The following ERAP1 variants were observed in gnomAD, a reference collection of about 807,000 sequenced individuals.
ERAP1 encodes endoplasmic reticulum aminopeptidase 1.
In ERAP1, 86 loss-of-function variants were observed where a neutral mutation model predicts 103.7. The ratio of observed to expected loss-of-function variants is 0.83; its 90% confidence interval spans 0.70 to 0.99. The LOEUF is 0.99. Ranked by LOEUF, ERAP1 falls within the 50% of genes least tolerant of loss-of-function variation. ERAP1 has a pLI of 0.00. For synonymous variants in ERAP1, 398 were observed against 402.4 expected, an observed-to-expected ratio of 0.99 and a Z score of 0.13; for missense variants, 1,009 against 1,128.4, an observed-to-expected ratio of 0.89 and a Z score of 1.52.
the ERAP1 span, among the ~76,000 whole-genome samples, chr5:96,815,420 T>TG: frequency 0.016 from 2,349 of 144,182 alleles, 77 homozygotes; most frequent in African/African-American, 0.061. Flanking sequence ...TTTTATTTTT[T>TG]TTTTTTTTGA....
chr5:96,841,688 T>G, the ERAP1 span, among the ~76,000 whole-genome samples: 2 of 151,770 alleles, frequency 1.3e-5, no homozygotes, highest in Non-Finnish European at 2.9e-5. Context: ...GCCAAGGAAG[T>G]TAGAGTAGTA....
chr5:96,870,783 A>G, the ERAP1 span, among the ~76,000 whole-genome samples: 1 of 152,190 alleles, frequency 6.6e-6, no homozygotes, highest in African/African-American at 2.4e-5. Context: ...CCTGCTTTTA[A>G]GATTTGTTAG....
intron 7 of ERAP1, among the ~76,000 whole-genome samples, chr5:96,792,509 A>T (rs927651294): frequency 1.3e-5 from 2 of 152,244 alleles, no homozygotes; most frequent in Non-Finnish European, 2.9e-5. Context: ...TTAACTGTAT[A>T]GTAATTTCAA....
chr5:96,850,667 T>C, the ERAP1 span, among the ~76,000 whole-genome samples: 1 of 152,174 alleles, frequency 6.6e-6, no homozygotes, highest in Non-Finnish European at 1.5e-5. Context: ...GTGATGGATA[T>C]GTTAATTAGC....
the ERAP1 span, among the ~76,000 whole-genome samples, chr5:96,815,486 A>C: frequency 2.1e-5 from 3 of 142,904 alleles, no homozygotes; most frequent in Non-Finnish European, 3.0e-5. Context: ...ATCTCGGCTC[A>C]CAGCAACCTC....
At chr5:96,830,923 T>A in the ERAP1 span, among the ~76,000 whole-genome samples, 6 of 152,160 alleles carry the variant, frequency 3.9e-5, no homozygotes, top group Non-Finnish European at 8.8e-5. Flanking sequence ...CCAAGTATAC[T>A]CAAATCCTGC....
chr5:96,901,548 A>T, the ERAP1 span: 6 of 1,613,838 alleles, frequency 3.7e-6, no homozygotes, highest in South Asian at 2.2e-5. Flanking sequence ...AGAGATGATG[A>T]CTACATGGAC....
At chr5:96,774,445 A>AGTCT (rs1440294594), downstream of ERAP1, 106 of 918,228 alleles carry the variant, frequency 1.2e-4, no homozygotes, top group Non-Finnish European at 1.4e-4. Flanking sequence ...CCCTTTTTAC[A>AGTCT]GTCTAGTTAG....
the ERAP1 span, among the ~76,000 whole-genome samples, chr5:96,854,461 A>T: frequency 3.0e-4 from 46 of 152,244 alleles, no homozygotes; most frequent in African/African-American, 1.0e-3. Flanking sequence ...CAACAAAAAA[A>T]AAACCTCTGA....
At chr5:96,854,865 G>A in the ERAP1 span, among the ~76,000 whole-genome samples, 1 of 152,076 alleles carries the variant, frequency 6.6e-6, no homozygotes, top group Non-Finnish European at 1.5e-5. Flanking sequence ...CTATCCAAGG[G>A]TAGCCTTTTT....
the ERAP1 span, chr5:96,892,513 G>C: frequency 1.3e-6 from 2 of 1,581,720 alleles, no homozygotes; most frequent in Admixed American, 3.4e-5. Context: ...TATAGAACAC[G>C]ACCAATCTTC....
At chr5:96,821,310 C>T in the ERAP1 span, among the ~76,000 whole-genome samples, 1 of 152,216 alleles carries the variant, frequency 6.6e-6, no homozygotes, top group East Asian at 1.9e-4. Context: ...CATGTGGGTG[C>T]CATAGCTTAG....
chr5:96,776,293 A>G lies in ERAP1; in HGVS notation c.*103T>C. 6.5e-7 allele frequency: 1 copy of G among 1,541,012 alleles called. No individual in the cohort carries two copies. Among genetic ancestry groups the G allele is most frequent in the Non-Finnish European group, 8.7e-7 (1 of 1,148,846 alleles). ...GTCAAAAAATGAGTTGAAGGGAAAA[A>G]AGTATCTCCAGTTGGAGCCAAAACA... On this transcript the variant is annotated 3_prime_UTR_variant, in exon 19 of 19. Coordinates refer to ENST00000443439, the MANE Select transcript of ERAP1 (RefSeq NM_001040458.3).
downstream of ERAP1, chr5:96,773,380 A>G (rs530478585): frequency 6.5e-6 from 1 of 153,228 alleles, no homozygotes; most frequent in South Asian, 2.1e-4. Flanking sequence ...AATTTCGAGC[A>G]TAAGAAATAA....
chr5:96,824,595 G>C, the ERAP1 span, among the ~76,000 whole-genome samples: 24 of 152,122 alleles, frequency 1.6e-4, no homozygotes, highest in Non-Finnish European at 3.1e-4. Context: ...GCAGTTTTCT[G>C]CCTCACACAT....
chr5:96,803,652 G>T lies in ERAP1; in HGVS notation c.275C>A (p.Thr92Asn), dbSNP rs1355273387. The T allele has an allele frequency of 1.2e-6, 2 of 1,614,064 alleles. No homozygotes were observed. The highest frequency in any genetic ancestry group is 1.7e-5 in the Admixed American group (1 of 59,996). ...CAGGTGGTGACTATGCAGGATGATG[G>T]TGCTGGTGGGCTGACTGGCTGTGAT... ...VEITASQPTS[T>N]IILHSHHLQI... The change falls in exon 2 of 19, where the codon ACC becomes AAC. Residue 92 changes from threonine to asparagine, a missense_variant. Physicochemically the swap from Thr to Asn is moderately conservative, Grantham distance 65 (BLOSUM62 0). Around this residue, in one of 3 missense-constraint regions of ERAP1, gnomAD observed 392 missense variants for 455.2 expected, o/e 0.86. Coordinates refer to ENST00000443439, the MANE Select transcript of ERAP1 (RefSeq NM_001040458.3).
At chr5:96,909,893 C>T in the ERAP1 span, 1 of 865,952 alleles carries the variant, frequency 1.2e-6, no homozygotes, top group East Asian at 2.7e-5. Context: ...CATTACAAAC[C>T]CTGTTTCATG....
intron 1 of ERAP1, 144 bp from the exon 2 acceptor site, chr5:96,804,087 G>T (rs1271527730): frequency 4.8e-6 from 4 of 830,266 alleles, no homozygotes; most frequent in South Asian, 1.6e-5. Context: ...AAAGTAAAAG[G>T]ACCTTCCCTA....
chr5:96,915,744 T>C, the ERAP1 span: 1 of 1,600,702 alleles, frequency 6.2e-7, no homozygotes, highest in African/African-American at 1.3e-5. Flanking sequence ...ACAGCTCACT[T>C]TTCTTCCAAG....
Sources: allele counts gnomAD v4.1 joint callset (sites outside exome capture counted in the v4.1 genomes callset), GRCh38; gene constraint gnomAD v4.1.1; regional missense constraint gnomAD v4.1.1; transcripts MANE v1.5; gene names NCBI Gene and HGNC (gene_info 2026-07-23, HGNC 2026-07-21).